The following CCDC85C variants were observed in gnomAD, a reference collection of about 807,000 sequenced individuals.
CCDC85C encodes the protein coiled-coil domain containing 85C, also known as coiled-coil domain-containing protein 85C.
In CCDC85C, 18 loss-of-function variants were observed where a neutral mutation model predicts 38.3. That is an observed-to-expected ratio of 0.47 (90% CI 0.33 to 0.70). CCDC85C has a LOEUF of 0.70. Among genes scored for constraint, CCDC85C ranks in the 30% least tolerant of loss-of-function variants. The probability of loss-of-function intolerance (pLI) is 0.03; values close to 1 mark genes in which losing one functional copy is unlikely to be tolerated. For synonymous variants in CCDC85C, 264 were observed against 293.8 expected (o/e 0.90, Z 1.04); for missense variants, 566 against 621.2 (o/e 0.91, Z 0.94).
At chr14:99,549,758 G>T (rs1417801926) in intron 1 of CCDC85C, among the ~76,000 whole-genome samples, 1 of 152,240 alleles carries the variant, frequency 6.6e-6, no homozygotes, top group African/African-American at 2.4e-5. Context: ...CAGGGTGATT[G>T]TTGACCGAAA....
At chr14:99,580,088 C>T (rs775313297) in intron 1 of CCDC85C, 3 of 455,664 alleles carry the variant, frequency 6.6e-6, no homozygotes, top group South Asian at 3.1e-5. Flanking sequence ...ACAGTAGACA[C>T]CTTCCAGGAA....
intron 2 of CCDC85C, among the ~76,000 whole-genome samples, chr14:99,528,071 G>A (rs375615687): frequency 4.0e-4 from 61 of 152,200 alleles, no homozygotes; most frequent in African/African-American, 1.4e-3. Flanking sequence ...CAGGGCCAGC[G>A]CAGCCTGGGA....
chr14:99,567,832 A>C (rs1373095175), intron 1 of CCDC85C, among the ~76,000 whole-genome samples: 1 of 152,190 alleles, frequency 6.6e-6, no homozygotes, highest in Non-Finnish European at 1.5e-5. Context: ...TCTCAAAACA[A>C]AACAAAACAA....
Position 99,502,961 on chromosome 14 carries a change from C to G in CCDC85C, c.*12285G>C. 6.2e-7 allele frequency: 1 copy of G among 1,613,990 alleles called. No homozygotes were observed. Among genetic ancestry groups the G allele is most frequent in the Non-Finnish European group, 8.5e-7 (1 of 1,179,896 alleles). ...GAAACCCTCTCCGCAGCCCAGTTCT[C>G]CCCGACAGGTTAAGCGAGCCGTGGT... On this transcript the variant is annotated 3_prime_UTR_variant, in exon 6 of 6. Coordinates refer to ENST00000380243, the MANE Select transcript of CCDC85C (RefSeq NM_001144995.2).
At chr14:99,571,509 C>G (rs1359792873) in intron 1 of CCDC85C, among the ~76,000 whole-genome samples, 1 of 152,236 alleles carries the variant, frequency 6.6e-6, no homozygotes, top group Non-Finnish European at 1.5e-5. Context: ...CAAAGGCCCA[C>G]AGGCAGCAGC....
At chr14:99,596,081 G>A (rs117669414) in intron 1 of CCDC85C, among the ~76,000 whole-genome samples, 2,075 of 152,332 alleles carry the variant, frequency 0.014, 16 homozygotes, top group Non-Finnish European at 0.021. Flanking sequence ...CCTGGGGTGG[G>A]CCCCTGTCTT....
In CCDC85C at chr14:99,523,431, G is replaced by A. The variant is rs140127674; in HGVS notation, c.868-1191C>T. ...AGCCCTGGCCAGGCCCCCCACTGGG[G>A]CTGGGAGGTCTCAAGAGCTTGGCTC... On this transcript the variant is annotated intron_variant, in intron 2 of 5. Transcript: ENST00000380243. 6.7e-4 allele frequency among the ~76,000 whole-genome samples: 102 copies of A among 152,336 alleles called. 1 individual carries two copies. The highest frequency in any genetic ancestry group is 2.4e-3 in the African/African-American group (98 of 41,576).
intron 1 of CCDC85C, among the ~76,000 whole-genome samples, chr14:99,568,379 C>A (rs1368197612): frequency 6.6e-6 from 1 of 150,928 alleles, no homozygotes; most frequent in Non-Finnish European, 1.5e-5. Flanking sequence ...GTGGTGGGGC[C>A]CCAGGTCCCC....
intron 1 of CCDC85C, among the ~76,000 whole-genome samples, chr14:99,555,525 A>G (rs563390354): frequency 6.6e-6 from 1 of 152,284 alleles, no homozygotes; most frequent in Non-Finnish European, 1.5e-5. Flanking sequence ...CAATAATGAT[A>G]ATAAGAGCCA....
intron 1 of CCDC85C, among the ~76,000 whole-genome samples, chr14:99,557,059 C>A (rs4445835): frequency 0.54 from 81,825 of 152,076 alleles, 22,268 homozygotes; most frequent in African/African-American, 0.61. Flanking sequence ...AAAATCTTCA[C>A]CTCCATTTAT....
rs542140118 is a variant in CCDC85C, at chr14:99,501,642, A to G, written c.*13604T>C. ...TGTTGTGAGGTGCTGAAATTTTATCACCAGTCTGAAACATAAGTCCAAAAC... is the reference window on the plus strand; with the variant it reads ...TGTTGTGAGGTGCTGAAATTTTATCGCCAGTCTGAAACATAAGTCCAAAAC... On this transcript the variant is annotated 3_prime_UTR_variant, in exon 6 of 6. Transcript: ENST00000380243. The G allele has an allele frequency of 1.9e-6, 1 of 519,680 alleles. No homozygotes were observed. Among genetic ancestry groups the G allele is most frequent in the African/African-American group, 1.9e-5 (1 of 51,516 alleles). The allele number at this position is 519,680 out of a possible 1,614,324, so 32.2% of individuals were successfully genotyped here. A position where few individuals can be genotyped will look rare whatever the true frequency, so the allele number is the denominator to read the frequency against.
At chr14:99,526,941 G>A (rs900034173) in intron 2 of CCDC85C, among the ~76,000 whole-genome samples, 6 of 148,824 alleles carry the variant, frequency 4.0e-5, no homozygotes, top group East Asian at 2.0e-4. Context: ...TCCACTGTCC[G>A]GCCCCAAACT....
intron 1 of CCDC85C, chr14:99,583,007 A>G (rs1370579788): frequency 6.6e-6 from 1 of 152,192 alleles, no homozygotes; most frequent in Non-Finnish European, 1.5e-5. Context: ...TAAATTTAAA[A>G]TCTGCCCTAG....
intron 1 of CCDC85C, among the ~76,000 whole-genome samples, chr14:99,592,134 T>A (rs1034587149): frequency 1.3e-5 from 2 of 152,196 alleles, no homozygotes; most frequent in African/African-American, 4.8e-5. Context: ...ATGATGGAAT[T>A]TTCCCCATCT....
At position 99,501,035 on chromosome 14, in the gene CCDC85C, G is replaced by A. The variant is rs780609960; in HGVS notation, c.*14211C>T. On this transcript the variant is annotated 3_prime_UTR_variant, in exon 6 of 6. Transcript: ENST00000380243. ...ATTCAGCATTGCAGCTGCTAATGCT[G>A]TTTCCTTTTATGTATAAACAGGCTC... The A allele has an allele frequency of 1.6e-6, 1 of 618,822 alleles. No homozygotes were observed. Among genetic ancestry groups the A allele is most frequent in the South Asian group, 2.0e-5 (1 of 50,058 alleles). The allele number at this position is 618,822 out of a possible 1,614,324, so 38.3% of individuals were successfully genotyped here.
In CCDC85C at chr14:99,520,747, G is replaced by A. The variant is rs1245741987; in HGVS notation, c.975+1386C>T. 4.6e-5 allele frequency among the ~76,000 whole-genome samples: 7 copies of A among 152,236 alleles called. No individual in the cohort carries two copies. Among genetic ancestry groups the A allele is most frequent in the Non-Finnish European group, 8.8e-5 (6 of 68,012 alleles). On this transcript the variant is annotated intron_variant, in intron 3 of 5. Transcript: ENST00000380243. This position sits in a 1 kb window ranked among gnomAD's most constrained non-coding sequence, Gnocchi z 4.1. Reference sequence around the variant, plus strand: ...CAGGCACCAGGACGCACTCACCATGGGGCCCTGGCCATCCACCCCACCCCT... The same window carrying A: ...CAGGCACCAGGACGCACTCACCATGAGGCCCTGGCCATCCACCCCACCCCT...
At position 99,588,473 on chromosome 14, in the gene CCDC85C, C is replaced by A. The variant is rs559181385; in HGVS notation, c.793+14694G>T. The stretch of plus-strand genomic sequence containing the variant: ...AGCCCACGGACCCATCCAAAAGTCA[C>A]CAGAGGCCTGATGTGGGAGTATGAA... On this transcript the variant is annotated intron_variant, in intron 1 of 5. Coordinates refer to ENST00000380243, the MANE Select transcript of CCDC85C (RefSeq NM_001144995.2). The surrounding 1 kb of genome is among the most constrained non-coding windows in gnomAD (Gnocchi z 5.0). 6.6e-6 allele frequency among the ~76,000 whole-genome samples: 1 copy of A among 152,204 alleles called. No individual in the cohort carries two copies. Among genetic ancestry groups the A allele is most frequent in the East Asian group, 1.9e-4 (1 of 5,136 alleles).
chr14:99,599,919 T>C (rs2055181953), intron 1 of CCDC85C, among the ~76,000 whole-genome samples: 1 of 152,182 alleles, frequency 6.6e-6, no homozygotes, highest in African/African-American at 2.4e-5. Context: ...GAGAAAAGCC[T>C]ATTTGCATGT....
intron 1 of CCDC85C, among the ~76,000 whole-genome samples, chr14:99,541,312 C>G (rs1189641866): frequency 6.6e-6 from 1 of 152,218 alleles, no homozygotes; most frequent in Admixed American, 6.5e-5. Context: ...GCACCCCAAG[C>G]TGGGGAACCC....
Sources: gnomAD v4.1 joint callset for allele counts (sites outside exome capture counted in the v4.1 genomes callset) on GRCh38, gnomAD v4.1.1 for gene constraint, Gnocchi (gnomAD v3.1) non-coding constraint, MANE v1.5 for transcripts, NCBI Gene and HGNC (gene_info 2026-07-23, HGNC 2026-07-21) for gene names.